Variants in ZBED3 observed in about 807,000 individuals in gnomAD.
The protein encoded by ZBED3 is zinc finger BED domain-containing protein 3.
For missense variants in ZBED3, 388 were observed against 362.9 expected (o/e 1.07, Z -0.56); for synonymous variants, 175 against 180.0 (o/e 0.97, Z 0.22).
rs1388951984 is a variant in ZBED3 at position 77,075,979 on chromosome 5, ATGTATATATATATG to A, written c.*1181_*1194del. 6.9e-3 allele frequency: 256 copies of A among 37,304 alleles called. 55 individuals carry two copies. Among genetic ancestry groups the A allele is most frequent in the Middle Eastern group, 0.011 (1 of 94 alleles). 2.3% of individuals were successfully genotyped at this position (37,304 alleles called of 1,614,324 possible). A position where few individuals can be genotyped will look rare whatever the true frequency, so the allele number is the denominator to read the frequency against. ...TATATATATATATGTATATGTATAT[ATGTATATATATATG>A]TATATATGTATATATATATGTATAT... On this transcript the variant is annotated 3_prime_UTR_variant, in exon 3 of 3. Coordinates refer to ENST00000255198, the MANE Select transcript of ZBED3 (RefSeq NM_032367.4).
rs913437538 is a variant in ZBED3, at chr5:77,074,326, G to A, written c.*2848C>T. ...TGGCTTTGGCGAAATTGTGACTCAG[G>A]TAAGGGACAGTTGGGGGAGACAAGG... On this transcript the variant is annotated 3_prime_UTR_variant, in exon 3 of 3. Transcript: ENST00000255198. 1 of 152,320 alleles carries A rather than the reference G, an allele frequency of 6.6e-6. No individual in the cohort carries two copies. Among genetic ancestry groups the A allele is most frequent in the Non-Finnish European group, 1.5e-5 (1 of 68,142 alleles). 9.4% of individuals were successfully genotyped at this position (152,320 alleles called of 1,614,324 possible).
At chr5:77,081,797 C>A (rs377236828) in intron 1 of ZBED3, among the ~76,000 whole-genome samples, 1 of 152,178 alleles carries the variant, frequency 6.6e-6, no homozygotes, top group South Asian at 2.1e-4. Context: ...CCATCCAACT[C>A]TCATTCAAAT....
rs1742952387 is a variant in ZBED3, at chr5:77,075,223, C to T, written c.*1951G>A. 6.6e-6 allele frequency: 1 copy of T among 152,198 alleles called. No individual in the cohort carries two copies. Among genetic ancestry groups the T allele is most frequent in the African/African-American group, 2.4e-5 (1 of 41,430 alleles). 9.4% of individuals were successfully genotyped at this position (152,198 alleles called of 1,614,324 possible). A position where few individuals can be genotyped will look rare whatever the true frequency, so the allele number is the denominator to read the frequency against. ...ATAGGCCTAAGGAAGCAATCAGACA[C>T]TTCCAGAATAGAGGACATTTGCTAA... On this transcript the variant is annotated 3_prime_UTR_variant, in exon 3 of 3. Coordinates refer to ENST00000255198, the MANE Select transcript of ZBED3 (RefSeq NM_032367.4).
chr5:77,086,613 G>C (rs1743245246), intron 1 of ZBED3: 1 of 148,568 alleles, frequency 6.7e-6, no homozygotes, highest in Non-Finnish European at 1.5e-5. Context: ...TCCGAAAGGA[G>C]CGGAAAATTC....
rs1437319701 is a variant in ZBED3 at position 77,075,005 on chromosome 5, G to A, written c.*2169C>T. 6.6e-6 allele frequency: 1 copy of A among 152,216 alleles called. No individual in the cohort carries two copies. Among genetic ancestry groups the A allele is most frequent in the Admixed American group, 6.5e-5 (1 of 15,284 alleles). The allele number at this position is 152,216 out of a possible 1,614,324, so 9.4% of individuals were successfully genotyped here. A position where few individuals can be genotyped will look rare whatever the true frequency, so the allele number is the denominator to read the frequency against. ...TTATCAGGTGAGGGGTGGGATGTGG[G>A]GTTGAGTAGATTTGCCTCGTCCACT... On this transcript the variant is annotated 3_prime_UTR_variant, in exon 3 of 3. Transcript: ENST00000255198.
At chr5:77,085,192 A>C (rs190150771) in intron 1 of ZBED3, among the ~76,000 whole-genome samples, 135 of 152,358 alleles carry the variant, frequency 8.9e-4, no homozygotes, top group African/African-American at 3.0e-3. Flanking sequence ...ATTAAATCCC[A>C]GATTCCTCAG....
rs954166004 is a variant in ZBED3, at chr5:77,075,774, A to G, written c.*1400T>C. The G allele has an allele frequency of 6.6e-6, 1 of 151,268 alleles. No homozygotes were observed. The highest frequency in any genetic ancestry group is 1.5e-5 in the Non-Finnish European group (1 of 67,876). The allele number at this position is 151,268 out of a possible 1,614,324, so 9.4% of individuals were successfully genotyped here. ...AACAGGAAAAGGAATTCTTTGAAGG[A>G]AAAACAGGATCCACCTACCAAGAGA... On this transcript the variant is annotated 3_prime_UTR_variant, in exon 3 of 3. Transcript: ENST00000255198.
chr5:77,075,570 A>C lies in ZBED3; in HGVS notation c.*1604T>G, dbSNP rs1742959874. The C allele has an allele frequency of 6.6e-6, 1 of 152,106 alleles. No homozygotes were observed. The highest frequency in any genetic ancestry group is 6.5e-5 in the Admixed American group (1 of 15,272). 9.4% of individuals were successfully genotyped at this position (152,106 alleles called of 1,614,324 possible). On this transcript the variant is annotated 3_prime_UTR_variant, in exon 3 of 3. Coordinates refer to ENST00000255198, the MANE Select transcript of ZBED3 (RefSeq NM_032367.4). ...GAAATGTCATTCTATGTACACATGC[A>C]TGGGGTGGAGAGAATAGTAAATCTG...
At chr5:77,086,509 A>C (rs1036783641) in intron 1 of ZBED3, among the ~76,000 whole-genome samples, 2 of 152,132 alleles carry the variant, frequency 1.3e-5, no homozygotes, top group Admixed American at 1.3e-4. Context: ...GACTAGTGGT[A>C]AGTATTTATT....
intron 1 of ZBED3, among the ~76,000 whole-genome samples, chr5:77,084,511 C>T (rs1314433110): frequency 1.3e-5 from 2 of 152,236 alleles, no homozygotes; most frequent in African/African-American, 4.8e-5. Context: ...CCACGTGGAA[C>T]TTTAAGTCCA....
chr5:77,082,368 G>A (rs931876966), intron 1 of ZBED3, among the ~76,000 whole-genome samples: 4 of 151,900 alleles, frequency 2.6e-5, no homozygotes, highest in African/African-American at 7.3e-5. Context: ...GGATGTTCAC[G>A]TAGAATGACA....
Position 77,075,734 on chromosome 5 carries a change from T to C in ZBED3, c.*1440A>G, listed in dbSNP as rs1325910437. ...AAAAAAAAGAGGCCTATGGAAAAAC[T>C]GGGAACCAGTATGCAACAGGAAAAG... On this transcript the variant is annotated 3_prime_UTR_variant, in exon 3 of 3. Transcript: ENST00000255198. 1 of 150,976 alleles carries C rather than the reference T, an allele frequency of 6.6e-6. No individual in the cohort carries two copies. Among genetic ancestry groups the C allele is most frequent in the Non-Finnish European group, 1.5e-5 (1 of 67,828 alleles). 9.4% of individuals were successfully genotyped at this position (150,976 alleles called of 1,614,324 possible). A position where few individuals can be genotyped will look rare whatever the true frequency, so the allele number is the denominator to read the frequency against.
chr5:77,081,629 C>T (rs544820052), intron 1 of ZBED3, among the ~76,000 whole-genome samples: 3 of 152,002 alleles, frequency 2.0e-5, no homozygotes, highest in South Asian at 2.1e-4. Context: ...GGATTACAGT[C>T]GTGAGCATAC....
At position 77,077,330 on chromosome 5, in the gene ZBED3, C is replaced by T; in HGVS notation, c.549G>A (p.Arg183=). Residue 183 remains arginine, a synonymous_variant, in exon 3 of 3, where the codon CGG becomes CGA. Transcript: ENST00000255198. ...EEERAAAQAR[R]ELQAEREALQ... is the part of the protein sequence containing the mutation. ...GCGCCTCCCGCTCGGCCTGCAGTTC[C>T]CGGCGCGCCTGGGCCGCGGCGCGCT... The T allele has an allele frequency of 7.8e-7, 1 of 1,279,650 alleles. No individual in the cohort carries two copies. Among genetic ancestry groups the T allele is most frequent in the Non-Finnish European group, 9.8e-7 (1 of 1,019,674 alleles). The allele number at this position is 1,279,650 out of a possible 1,614,324, so 79.3% of individuals were successfully genotyped here.
At position 77,072,370 on chromosome 5, in the gene ZBED3, A is replaced by G. The variant is rs1342646876; in HGVS notation, c.*4804T>C. 1 of 152,206 alleles carries G rather than the reference A, an allele frequency of 6.6e-6. No homozygotes were observed. The highest frequency in any genetic ancestry group is 1.5e-5 in the Non-Finnish European group (1 of 68,034). 9.4% of individuals were successfully genotyped at this position (152,206 alleles called of 1,614,324 possible). ...TTAACCAGAAATGTTAATCTGGTTA[A>G]TCATCTACCATATTCACCAGACTGA... On this transcript the variant is annotated 3_prime_UTR_variant, in exon 3 of 3. Transcript: ENST00000255198.
rs1256418444 is a variant in ZBED3, at chr5:77,086,568, TC to T, written c.-153+542del. The T allele has an allele frequency of 2.7e-5, 4 of 145,864 alleles. No individual in the cohort carries two copies. In the Admixed American group the frequency reaches 2.9e-4, roughly 11 times the overall value. 9.0% of individuals were successfully genotyped at this position (145,864 alleles called of 1,614,324 possible). On this transcript the variant is annotated intron_variant, in intron 1 of 2. Transcript: ENST00000255198. ...CTTTGCTAAGCCTCGGGCATTTGGT[TC>T]GTGCAAGAAATCACAGAAACTGCTC...
At chr5:77,083,476 G>A (rs555708093) in intron 1 of ZBED3, among the ~76,000 whole-genome samples, 4 of 152,276 alleles carry the variant, frequency 2.6e-5, no homozygotes, top group South Asian at 2.1e-4. Flanking sequence ...CAGCCCACCC[G>A]AGTCTCAATC....
chr5:77,085,032 T>C (rs980791257), intron 1 of ZBED3, among the ~76,000 whole-genome samples: 11 of 152,228 alleles, frequency 7.2e-5, no homozygotes, highest in African/African-American at 2.7e-4. Context: ...ACCATGCCTC[T>C]GCACTTGCTA....
rs540032419 is a variant in ZBED3, at chr5:77,072,492, C to T, written c.*4682G>A. The T allele has an allele frequency of 4.6e-5, 7 of 152,258 alleles. No individual in the cohort carries two copies. The highest frequency in any genetic ancestry group is 1.7e-4 in the African/African-American group (7 of 41,538). 9.4% of individuals were successfully genotyped at this position (152,258 alleles called of 1,614,324 possible). ...TAAAGAATGTGCTAGGGACTCATGG[C>T]CACTCTAAAAGAGGAGTTCCAGAAA... is the stretch of plus-strand genomic sequence containing the variant. On this transcript the variant is annotated 3_prime_UTR_variant, in exon 3 of 3. Transcript: ENST00000255198.
Sources: gnomAD v4.1 joint callset for allele counts (sites outside exome capture counted in the v4.1 genomes callset) on GRCh38, gnomAD v4.1.1 for gene constraint, MANE v1.5 for transcripts, NCBI Gene and HGNC (gene_info 2026-07-23, HGNC 2026-07-21) for gene names.